The following GRM8 variants were observed in gnomAD, a reference collection of about 807,000 sequenced individuals.
GRM8 encodes metabotropic glutamate receptor 8.
A neutral mutation model predicts 87.2 loss-of-function variants in GRM8; 47 were observed. The ratio of observed to expected loss-of-function variants is 0.54; its 90% CI spans 0.43 to 0.69. The LOEUF (loss-of-function observed/expected upper bound fraction) is 0.69, where lower values mean the gene tolerates loss of function less well. GRM8 is among the 30% of genes least tolerant of loss of function. The probability of loss-of-function intolerance (pLI) is 0.00; values close to 1 mark genes in which losing one functional copy is unlikely to be tolerated. For missense variants in GRM8, 1,019 were observed against 1,139.2 expected (o/e 0.89, Z 1.52); for synonymous variants, 396 against 404.5 (o/e 0.98, Z 0.25).
At chr7:127,185,181 G>A (rs576208310) in intron 2 of GRM8, among the ~76,000 whole-genome samples, 5 of 152,030 alleles carry the variant, frequency 3.3e-5, no homozygotes, top group South Asian at 2.1e-4. Flanking sequence ...AAGCTTGAAC[G>A]ACACATAATA....
intron 1 of GRM8, among the ~76,000 whole-genome samples, chr7:127,243,752 C>A (rs1044021436): frequency 2.0e-5 from 3 of 152,066 alleles, no homozygotes; most frequent in Non-Finnish European, 2.9e-5. Context: ...TTCTCCCAAA[C>A]CAGAAAGCAC....
At chr7:126,729,680 T>G (rs1051053439) in intron 7 of GRM8, among the ~76,000 whole-genome samples, 2 of 152,204 alleles carry the variant, frequency 1.3e-5, no homozygotes, top group African/African-American at 4.8e-5. Flanking sequence ...GAAGTGACTT[T>G]TGTATGTGAT....
intron 3 of GRM8, among the ~76,000 whole-genome samples, chr7:126,938,644 T>C (rs1806583799): frequency 2.0e-5 from 3 of 152,170 alleles, no homozygotes; most frequent in Admixed American, 2.0e-4. Context: ...TAAAACTATA[T>C]TCAACTTGAA....
intron 6 of GRM8, among the ~76,000 whole-genome samples, chr7:126,819,928 G>A (rs958505083): frequency 4.6e-5 from 7 of 151,998 alleles, no homozygotes; most frequent in African/African-American, 1.4e-4. Context: ...CTTCAGCAAT[G>A]ATGGAAAAAT....
chr7:126,483,808 A>G (rs1257141818), intron 9 of GRM8, among the ~76,000 whole-genome samples: 1 of 127,072 alleles, frequency 7.9e-6, no homozygotes, highest in Non-Finnish European at 1.6e-5. Context: ...TTTGCTGGTC[A>G]TGATACATTA....
intron 3 of GRM8, among the ~76,000 whole-genome samples, chr7:127,102,750 T>C (rs989771945): frequency 6.6e-6 from 1 of 152,182 alleles, no homozygotes; most frequent in African/African-American, 2.4e-5. Context: ...GGCAGAGCCA[T>C]CACAGAAAAC....
chr7:126,585,833 T>C (rs974446496), intron 8 of GRM8, among the ~76,000 whole-genome samples: 2 of 151,968 alleles, frequency 1.3e-5, no homozygotes, highest in Non-Finnish European at 2.9e-5. Context: ...ATGGCCAGGG[T>C]AATCAGGCAG....
At chr7:127,098,938 G>GA (rs1824951147) in intron 3 of GRM8, among the ~76,000 whole-genome samples, 1 of 152,160 alleles carries the variant, frequency 6.6e-6, no homozygotes, top group East Asian at 1.9e-4. Flanking sequence ...AATCTACAAT[G>GA]AAAAGATATG....
chr7:126,711,038 G>C (rs1230797815), intron 7 of GRM8, among the ~76,000 whole-genome samples: 4 of 152,156 alleles, frequency 2.6e-5, no homozygotes, highest in Non-Finnish European at 5.9e-5. Context: ...ACCTGGGCAT[G>C]GTGGTGCATA....
At chr7:126,879,097 A>C (rs1357450675) in intron 6 of GRM8, among the ~76,000 whole-genome samples, 1 of 133,108 alleles carries the variant, frequency 7.5e-6, no homozygotes, top group Non-Finnish European at 1.6e-5. Flanking sequence ...CAGAAGGTGG[A>C]GGTTGCAGTG....
intron 7 of GRM8, among the ~76,000 whole-genome samples, chr7:126,653,175 T>C (rs930732823): frequency 2.9e-4 from 44 of 151,974 alleles, no homozygotes; most frequent in African/African-American, 1.0e-3. Flanking sequence ...TGTTGGTACA[T>C]GCCTGTAGTC....
At chr7:126,490,283 TCA>T (rs1302611297) in intron 9 of GRM8, among the ~76,000 whole-genome samples, 9 of 152,052 alleles carry the variant, frequency 5.9e-5, no homozygotes, top group Non-Finnish European at 1.3e-4. Context: ...CCTCTTCATT[TCA>T]GACAAGCCCT....
chr7:126,641,784 G>A (rs1183185370), intron 7 of GRM8, among the ~76,000 whole-genome samples: 1 of 152,136 alleles, frequency 6.6e-6, no homozygotes, highest in Non-Finnish European at 1.5e-5. Context: ...GAGGGTGGGT[G>A]GGATTTGGAA....
intron 2 of GRM8, among the ~76,000 whole-genome samples, chr7:127,165,719 A>G (rs1793413457): frequency 6.6e-6 from 1 of 152,042 alleles, no homozygotes; most frequent in Non-Finnish European, 1.5e-5. Flanking sequence ...ACACCTTTAA[A>G]CTGGTTTCAT....
chr7:126,438,977 C>A lies in GRM8; in HGVS notation c.*142G>T, dbSNP rs2150435563. On this transcript the variant is annotated 3_prime_UTR_variant, in exon 11 of 11. Transcript: ENST00000339582. ...GTTTATTGATACTTTTGGCTCATGG[C>A]TAATTTTTGTTCCTTACAAGACTGA... 6.3e-6 allele frequency: 4 copies of A among 637,110 alleles called. No individual in the cohort carries two copies. The East Asian group carries it at 1.0e-4, about 17-fold the overall frequency. 39.5% of individuals were successfully genotyped at this position (637,110 alleles called of 1,614,324 possible).
chr7:126,996,038 A>G (rs984336606), intron 3 of GRM8, among the ~76,000 whole-genome samples: 2 of 152,152 alleles, frequency 1.3e-5, no homozygotes, highest in Non-Finnish European at 2.9e-5. Context: ...GCCAGAAGAG[A>G]GTGGCATGAC....
rs1030755249 is a variant in GRM8, at chr7:126,986,698, T to C, written c.728-82015A>G. 1.7e-4 allele frequency among the ~76,000 whole-genome samples: 26 copies of C among 152,302 alleles called. No individual in the cohort carries two copies. The East Asian group carries it at 4.6e-3, about 27-fold the overall frequency. On this transcript the variant is annotated intron_variant, in intron 3 of 10. Coordinates refer to ENST00000339582, the MANE Select transcript of GRM8 (RefSeq NM_000845.3). The stretch of plus-strand genomic sequence containing the variant: ...AGGAGACTAGATCATAGTGAATCAA[T>C]GTTTAACCCATTTCCCAACACCATT...
At chr7:126,609,336 T>C in intron 8 of GRM8, 26 bp downstream of exon 8, 1 of 1,588,534 alleles carries the variant, frequency 6.3e-7, no homozygotes, top group Non-Finnish European at 8.6e-7. Flanking sequence ...CTATATACAT[T>C]AATATATGTT....
At chr7:126,513,970 G>A (rs536722948) in intron 9 of GRM8, among the ~76,000 whole-genome samples, 2 of 151,912 alleles carry the variant, frequency 1.3e-5, no homozygotes, top group Non-Finnish European at 2.9e-5. Context: ...TAATCATCAG[G>A]TTCTAAAAAG....
Sources: gnomAD v4.1 joint callset for allele counts (sites outside exome capture counted in the v4.1 genomes callset) on GRCh38, gnomAD v4.1.1 for gene constraint, MANE v1.5 for transcripts, NCBI Gene and HGNC (gene_info 2026-07-23, HGNC 2026-07-21) for gene names.